Variants in RNF144B observed in about 807,000 individuals in gnomAD.
RNF144B encodes the protein E3 ubiquitin-protein ligase RNF144B.
Under a neutral mutation model 40.2 loss-of-function variants are expected in RNF144B, and 25 were observed. The ratio of observed to expected loss-of-function variants is 0.62; its 90% CI spans 0.45 to 0.87. RNF144B has a LOEUF of 0.87. RNF144B is among the 40% of genes least tolerant of loss of function. The pLI is 0.00. For synonymous variants in RNF144B, 145 were observed against 136.3 expected, an observed-to-expected ratio of 1.06 and a Z score of -0.44; for missense variants, 365 against 373.7, an observed-to-expected ratio of 0.98 and a Z score of 0.19.
At chr6:18,424,230 G>A (rs914274705) in intron 2 of RNF144B, among the ~76,000 whole-genome samples, 4 of 152,140 alleles carry the variant, frequency 2.6e-5, no homozygotes, top group Non-Finnish European at 4.4e-5. Context: ...AGGGACACTC[G>A]AGATTAAATG....
intron 2 of RNF144B, among the ~76,000 whole-genome samples, chr6:18,407,742 T>G (rs1794941982): frequency 6.6e-6 from 1 of 152,194 alleles, no homozygotes; most frequent in Non-Finnish European, 1.5e-5. Flanking sequence ...CTGCATATTA[T>G]TTGAATGAAG....
intron 1 of RNF144B, among the ~76,000 whole-genome samples, chr6:18,396,039 A>G (rs887808435): frequency 2.0e-5 from 3 of 152,234 alleles, no homozygotes; most frequent in African/African-American, 7.2e-5. Context: ...TTTTTAAAAA[A>G]CAAAATGCAT....
At chr6:18,393,342 C>T (rs1381698881) in intron 1 of RNF144B, among the ~76,000 whole-genome samples, 2 of 152,160 alleles carry the variant, frequency 1.3e-5, no homozygotes, top group Non-Finnish European at 2.9e-5. Context: ...AGAGCTACAA[C>T]ACTGGCCACA....
intron 3 of RNF144B, among the ~76,000 whole-genome samples, chr6:18,435,284 A>T (rs1758791964): frequency 6.6e-6 from 1 of 152,234 alleles, no homozygotes; most frequent in Non-Finnish European, 1.5e-5. Context: ...TGGTCTCTTG[A>T]TAGCTGAGAA....
At chr6:18,389,482 C>A (rs1794538962) in intron 1 of RNF144B, among the ~76,000 whole-genome samples, 1 of 152,198 alleles carries the variant, frequency 6.6e-6, no homozygotes, top group Non-Finnish European at 1.5e-5. Context: ...CTTGAAAAGT[C>A]ATTTCAATAT....
rs1461015467 is a variant in RNF144B, at chr6:18,422,202, G to T, written c.166-5379G>T. Among the ~76,000 whole-genome samples, 1 of 152,162 alleles carries T rather than the reference G, an allele frequency of 6.6e-6. No homozygotes were observed. The highest frequency in any genetic ancestry group is 1.5e-5 in the Non-Finnish European group (1 of 68,026). Reference sequence around the variant, plus strand: ...TGTTGGATAGGCTTTTGAGTAGGGAGAGATACTATCTTGAATTGTGCTAAT... The same window carrying T: ...TGTTGGATAGGCTTTTGAGTAGGGATAGATACTATCTTGAATTGTGCTAAT... On this transcript the variant is annotated intron_variant, in intron 2 of 7. Transcript: ENST00000259939. The surrounding 1 kb of genome is among the most constrained non-coding windows in gnomAD (Gnocchi z 4.7).
intron 3 of RNF144B, among the ~76,000 whole-genome samples, chr6:18,430,843 C>T (rs977098088): frequency 1.3e-5 from 2 of 152,014 alleles, no homozygotes; most frequent in Non-Finnish European, 2.9e-5. Context: ...ATCCTTTCCC[C>T]ACTCTATCCC....
At chr6:18,427,535 C>A in intron 2 of RNF144B, 46 bp from the exon 3 acceptor site, 2 of 1,330,186 alleles carry the variant, frequency 1.5e-6, no homozygotes, top group Non-Finnish European at 2.2e-6. Flanking sequence ...AACCTTTCTG[C>A]TACTGTAATG....
In RNF144B at chr6:18,447,841, C is replaced by T. The variant is rs1373772228; in HGVS notation, c.331+8097C>T. ...TAAAGAAGCAGTTTCAGGACTGAGC[C>T]CTGGGACACTATAGGTTTTAGAAGA... On this transcript the variant is annotated intron_variant, in intron 4 of 7. Coordinates refer to ENST00000259939, the MANE Select transcript of RNF144B (RefSeq NM_182757.4). The surrounding 1 kb of genome is among the most constrained non-coding windows in gnomAD (Gnocchi z 5.6). Among the ~76,000 whole-genome samples, 1 of 152,012 alleles carries T rather than the reference C, an allele frequency of 6.6e-6. No homozygotes were observed. The highest frequency in any genetic ancestry group is 6.6e-5 in the Admixed American group (1 of 15,254).
At position 18,425,287 on chromosome 6, in the gene RNF144B, T is replaced by G. The variant is rs557790290; in HGVS notation, c.166-2294T>G. ...GCCTGGAGACTATATCTTTCAGTCT[T>G]TTTACTTAAATTTCTTTAAGTGGCT... On this transcript the variant is annotated intron_variant, in intron 2 of 7. Coordinates refer to ENST00000259939, the MANE Select transcript of RNF144B (RefSeq NM_182757.4). This position sits in a 1 kb window ranked among gnomAD's most constrained non-coding sequence, Gnocchi z 4.2. Among the ~76,000 whole-genome samples the G allele has an allele frequency of 6.6e-6, 1 of 152,268 alleles. No homozygotes were observed. Among genetic ancestry groups the G allele is most frequent in the East Asian group, 1.9e-4 (1 of 5,190 alleles).
rs978404503 is a variant in RNF144B at position 18,406,361 on chromosome 6, G to T, written c.165+6662G>T. On this transcript the variant is annotated intron_variant, in intron 2 of 7. Transcript: ENST00000259939. This position sits in a 1 kb window ranked among gnomAD's most constrained non-coding sequence, Gnocchi z 4.2. ...CAAGCCATACAGATATCTGGGAGAAGAGGGTTGTAGGCAGAGGGAAGCAGT... is the reference window on the plus strand; with the variant it reads ...CAAGCCATACAGATATCTGGGAGAATAGGGTTGTAGGCAGAGGGAAGCAGT... Among the ~76,000 whole-genome samples, 1 of 152,080 alleles carries T rather than the reference G, an allele frequency of 6.6e-6. No individual in the cohort carries two copies. Among genetic ancestry groups the T allele is most frequent in the Non-Finnish European group, 1.5e-5 (1 of 68,008 alleles).
chr6:18,452,967 G>A (rs1353554170), intron 4 of RNF144B, among the ~76,000 whole-genome samples: 1 of 151,914 alleles, frequency 6.6e-6, no homozygotes, highest in Non-Finnish European at 1.5e-5. Flanking sequence ...TGTTGTTGTT[G>A]TGGAGATGAG....
At chr6:18,399,163 C>T (rs1886248) in intron 1 of RNF144B, among the ~76,000 whole-genome samples, 93,736 of 152,028 alleles carry the variant, frequency 0.62, 29,735 homozygotes, top group East Asian at 0.77. Context: ...CACCAAGCTG[C>T]GTGAGAGCTC....
chr6:18,408,494 T>C (rs1223451898), intron 2 of RNF144B, among the ~76,000 whole-genome samples: 2 of 152,234 alleles, frequency 1.3e-5, no homozygotes, highest in African/African-American at 4.8e-5. Context: ...CATGATCTTA[T>C]TCTATTTTGG....
chr6:18,396,458 C>T (rs6941991), intron 1 of RNF144B: 400,851 of 979,522 alleles, frequency 0.41, 83,097 homozygotes, highest in South Asian at 0.52. Context: ...TTGGATTTCT[C>T]GAAGAGTACC....
rs910278043 is a variant in RNF144B, at chr6:18,398,686, G to A, written c.-36-813G>A. On this transcript the variant is annotated intron_variant, in intron 1 of 7. Transcript: ENST00000259939. This position sits in a 1 kb window ranked among gnomAD's most constrained non-coding sequence, Gnocchi z 5.0. ...TGGGATTACAGGCATGAGCCACTGC[G>A]CCCAGCCTCATTCTTCTGCTGATGG... is the stretch of plus-strand genomic sequence containing the variant. Among the ~76,000 whole-genome samples, 1 of 152,138 alleles carries A rather than the reference G, an allele frequency of 6.6e-6. No individual in the cohort carries two copies. Among genetic ancestry groups the A allele is most frequent in the Non-Finnish European group, 1.5e-5 (1 of 68,026 alleles).
At chr6:18,463,430 T>A in intron 7 of RNF144B, 50 bp downstream of exon 7, 1 of 1,056,506 alleles carries the variant, frequency 9.5e-7, no homozygotes, top group Non-Finnish European at 1.5e-6. Context: ...CGTGATGGCT[T>A]AAAGAGCCCA....
In RNF144B at chr6:18,408,009, G is replaced by A. The variant is rs369724839; in HGVS notation, c.165+8310G>A. Among the ~76,000 whole-genome samples, 61 of 132,358 alleles carry A rather than the reference G, an allele frequency of 4.6e-4. 1 individual carries two copies. The highest frequency in any genetic ancestry group is 1.7e-3 in the African/African-American group (59 of 35,070). 86.8% of individuals were successfully genotyped at this position (132,358 alleles called of 152,430 possible). A position where few individuals can be genotyped will look rare whatever the true frequency, so the allele number is the denominator to read the frequency against. On this transcript the variant is annotated intron_variant, in intron 2 of 7. Coordinates refer to ENST00000259939, the MANE Select transcript of RNF144B (RefSeq NM_182757.4). The stretch of plus-strand genomic sequence containing the variant: ...CTTTTTTTTTTTTTTTTTCCAGACA[G>A]AATCTCATTTTGTTGCCCAGGCTGG...
Position 18,448,494 on chromosome 6 carries a change from C to G in RNF144B, c.332-8661C>G, listed in dbSNP as rs1169314593. ...TGCAGATTTGAAGCAAAAGGAGGAG[C>G]TTTATGTAATATGAAAGTATAGCGA... On this transcript the variant is annotated intron_variant, in intron 4 of 7. Coordinates refer to ENST00000259939, the MANE Select transcript of RNF144B (RefSeq NM_182757.4). The surrounding 1 kb of genome is among the most constrained non-coding windows in gnomAD (Gnocchi z 4.0). Among the ~76,000 whole-genome samples, 1 of 151,898 alleles carries G rather than the reference C, an allele frequency of 6.6e-6. No individual in the cohort carries two copies. Among genetic ancestry groups the G allele is most frequent in the African/African-American group, 2.4e-5 (1 of 41,332 alleles).
Sources: allele counts gnomAD v4.1 joint callset (sites outside exome capture counted in the v4.1 genomes callset), GRCh38; gene constraint gnomAD v4.1.1; non-coding constraint Gnocchi (gnomAD v3.1); transcripts MANE v1.5; gene names NCBI Gene and HGNC (gene_info 2026-07-23, HGNC 2026-07-21).